Variants in PCDHGA2 observed in about 807,000 individuals in gnomAD.
PCDHGA2 encodes the protein protocadherin gamma-A2.
In PCDHGA2, 40 loss-of-function variants were observed where a neutral mutation model predicts 59.2. The observed-to-expected ratio is 0.68, with a 90% CI of 0.52 to 0.88. The LOEUF (loss-of-function observed/expected upper bound fraction) is 0.88. Among genes scored for constraint, PCDHGA2 ranks in the 40% least tolerant of loss-of-function variants. PCDHGA2 has a pLI of 0.00. For missense variants in PCDHGA2, 1,226 were observed against 1,204.0 expected, an observed-to-expected ratio of 1.02 and a Z score of -0.27; for synonymous variants, 560 against 526.0, an observed-to-expected ratio of 1.06 and a Z score of -0.89.
chr5:141,410,349 G>A, intron 1 of PCDHGA2: 1 of 1,613,994 alleles, frequency 6.2e-7, no homozygotes, highest in Non-Finnish European at 8.5e-7. Flanking sequence ...TTGCGCCTGC[G>A]ACGCTCTCTC....
intron 1 of PCDHGA2, chr5:141,398,594 T>C: frequency 6.2e-7 from 1 of 1,614,028 alleles, no homozygotes; most frequent in African/African-American, 1.3e-5. Flanking sequence ...ATACTAGAAG[T>C]AGCAGAAGAT....
At chr5:141,400,652 T>A in intron 1 of PCDHGA2, 1 of 1,143,230 alleles carries the variant, frequency 8.7e-7, no homozygotes, top group Non-Finnish European at 1.3e-6. Flanking sequence ...AAAGCTGTCC[T>A]ACCATTCTTT....
intron 1 of PCDHGA2, chr5:141,374,344 G>A (rs1770398551): frequency 6.2e-7 from 1 of 1,614,034 alleles, no homozygotes; most frequent in Non-Finnish European, 8.5e-7. Context: ...TGGTCACCGC[G>A]GGTAGGATAG....
intron 1 of PCDHGA2, chr5:141,415,748 T>A: frequency 9.9e-7 from 1 of 1,008,964 alleles, no homozygotes; most frequent in Non-Finnish European, 1.2e-6. Context: ...AGGTTTTTTT[T>A]TTTTTTTTTT....
chr5:141,414,124 G>C, intron 1 of PCDHGA2: 1 of 1,592,872 alleles, frequency 6.3e-7, no homozygotes, highest in Non-Finnish European at 8.6e-7. Context: ...TGAAGAAACC[G>C]GTTTCTATGA....
At chr5:141,400,059 T>C (rs2093953035) in intron 1 of PCDHGA2, 2 of 1,613,750 alleles carry the variant, frequency 1.2e-6, no homozygotes, top group South Asian at 2.2e-5. Context: ...CTGTGCGTGA[T>C]GGTGGACAGC....
intron 1 of PCDHGA2, chr5:141,408,447 G>A (rs536531313): frequency 3.1e-6 from 5 of 1,614,064 alleles, no homozygotes; most frequent in Admixed American, 1.7e-5. Context: ...GCGGAGAGCG[G>A]GGACTTACTT....
At position 141,491,856 on chromosome 5, in the gene PCDHGA2, C is replaced by T; in HGVS notation, c.2425-2951C>T. 1.4e-6 allele frequency: 2 copies of T among 1,458,728 alleles called. No individual in the cohort carries two copies. Among genetic ancestry groups the T allele is most frequent in the Non-Finnish European group, 1.8e-6 (2 of 1,103,072 alleles). 90.4% of individuals were successfully genotyped at this position (1,458,728 alleles called of 1,614,324 possible). A position where few individuals can be genotyped will look rare whatever the true frequency, so the allele number is the denominator to read the frequency against. ...TCTCGGGATCATTGGACCGTTTGCG[C>T]GAAACCAGAGTGGCCGATTAAGGGA... On this transcript the variant is annotated intron_variant, in intron 1 of 3. Coordinates refer to ENST00000394576, the MANE Select transcript of PCDHGA2 (RefSeq NM_018915.4). The surrounding 1 kb of genome is among the most constrained non-coding windows in gnomAD (Gnocchi z 6.9).
chr5:141,419,981 A>G (rs2096455772), intron 1 of PCDHGA2: 2 of 1,613,934 alleles, frequency 1.2e-6, no homozygotes, highest in East Asian at 2.2e-5. Flanking sequence ...CCTCGCGGTG[A>G]TTCTAGCTAT....
chr5:141,441,126 C>A (rs1319809408), intron 1 of PCDHGA2: 2 of 152,062 alleles, frequency 1.3e-5, no homozygotes, highest in Admixed American at 1.3e-4. Context: ...CAGTTGAGAC[C>A]GAATTTCTAG....
chr5:141,444,152 ATTTTTTTTTTTTTT>A (rs747671382), intron 1 of PCDHGA2, among the ~76,000 whole-genome samples: 241 of 33,882 alleles, frequency 7.1e-3, no homozygotes, highest in African/African-American at 0.019. Flanking sequence ...TGTGTACTGG[ATTTTTTTTTTTTTT>A]TTTTTTTTTT....
At chr5:141,366,020 T>A in intron 1 of PCDHGA2, 2 of 1,614,210 alleles carry the variant, frequency 1.2e-6, no homozygotes, top group South Asian at 2.2e-5. Flanking sequence ...TGAGATCCTG[T>A]ACCCCGCCCT....
At chr5:141,372,937 GGGTGTCTAGGA>G (rs538849819) in intron 1 of PCDHGA2, 1 of 831,292 alleles carries the variant, frequency 1.2e-6, no homozygotes, top group East Asian at 2.7e-5. Flanking sequence ...GTGTAGAGTA[GGGTGTCTAGGA>G]AATTCTTTGT....
In PCDHGA2 at chr5:141,486,247, C is replaced by T. The variant is rs935513223; in HGVS notation, c.2425-8560C>T. The T allele has an allele frequency of 2.5e-6, 4 of 1,614,014 alleles. No homozygotes were observed. The African/African-American group carries it at 5.3e-5, about 22-fold the overall frequency. On this transcript the variant is annotated intron_variant, in intron 1 of 3. Transcript: ENST00000394576. This position sits in a 1 kb window ranked among gnomAD's most constrained non-coding sequence, Gnocchi z 5.0. Reference sequence around the variant, plus strand: ...TCACAGTGACCTCAGAGCTTGGAACCCTCCCCGAGAGTGCAGAACCTGGCA... The same window carrying T: ...TCACAGTGACCTCAGAGCTTGGAACTCTCCCCGAGAGTGCAGAACCTGGCA...
intron 1 of PCDHGA2, among the ~76,000 whole-genome samples, chr5:141,406,446 CTA>C: frequency 6.6e-6 from 1 of 152,200 alleles, no homozygotes; most frequent in Non-Finnish European, 1.5e-5. Context: ...TCTTCCATTT[CTA>C]TGACAGGAAA....
chr5:141,424,127 A>T (rs901831932), intron 1 of PCDHGA2: 1 of 486,538 alleles, frequency 2.1e-6, no homozygotes, highest in African/African-American at 2.1e-5. Flanking sequence ...GATCCTGTTG[A>T]TTTAATAGCA....
chr5:141,431,318 G>C lies in PCDHGA2; in HGVS notation c.2425-63489G>C. 1 of 1,614,086 alleles carries C rather than the reference G, an allele frequency of 6.2e-7. No homozygotes were observed. Among genetic ancestry groups the C allele is most frequent in the African/African-American group, 1.3e-5 (1 of 75,050 alleles). On this transcript the variant is annotated intron_variant, in intron 1 of 3. Transcript: ENST00000394576. The surrounding 1 kb of genome is among the most constrained non-coding windows in gnomAD (Gnocchi z 4.8). ...CTCCCTCATCGTGCAAAATGGAGCC[G>C]ACGGTAGTAAGTACCCCGAATTGGT...
chr5:141,416,130 C>T (rs907950687), intron 1 of PCDHGA2: 1 of 154,098 alleles, frequency 6.5e-6, no homozygotes, highest in African/African-American at 2.4e-5. Context: ...ATATATTTTT[C>T]AATCTATACT....
intron 3 of PCDHGA2, among the ~76,000 whole-genome samples, chr5:141,508,658 A>G (rs1420910010): frequency 2.0e-5 from 3 of 152,086 alleles, no homozygotes; most frequent in African/African-American, 4.8e-5. Flanking sequence ...CCTTCCTGTC[A>G]TTCTGTCTCT....
Sources: allele counts gnomAD v4.1 joint callset (sites outside exome capture counted in the v4.1 genomes callset), GRCh38; gene constraint gnomAD v4.1.1; non-coding constraint Gnocchi (gnomAD v3.1); transcripts MANE v1.5; gene names NCBI Gene and HGNC (gene_info 2026-07-23, HGNC 2026-07-21).